Variants in STAM2 observed in about 807,000 individuals in gnomAD.
STAM2 encodes signal transducing adapter molecule 2.
A neutral mutation model predicts 65.6 loss-of-function variants in STAM2; 51 were observed. That is an observed-to-expected ratio of 0.78 (90% CI 0.62 to 0.98). The LOEUF is 0.98. Ranked by LOEUF, STAM2 falls within the 50% of genes least tolerant of loss-of-function variation. The pLI is 0.00. For synonymous variants in STAM2, 198 were observed against 208.4 expected (o/e 0.95, Z 0.43); for missense variants, 584 against 617.8 (o/e 0.95, Z 0.58).
intron 11 of STAM2, among the ~76,000 whole-genome samples, chr2:152,129,844 G>A (rs1689026554): frequency 6.6e-6 from 1 of 152,082 alleles, no homozygotes; most frequent in African/African-American, 2.4e-5. Flanking sequence ...TCTAAAATAT[G>A]GCAAAACTAC....
At chr2:152,132,243 T>C in intron 10 of STAM2, 75 bp from the exon 11 acceptor site, 1 of 1,053,984 alleles carries the variant, frequency 9.5e-7, no homozygotes, top group Non-Finnish European at 1.5e-6. Flanking sequence ...TTTAACAATA[T>C]AGCACCAATA....
At chr2:152,150,712 G>T (rs1292348088) in intron 1 of STAM2, among the ~76,000 whole-genome samples, 1 of 152,180 alleles carries the variant, frequency 6.6e-6, no homozygotes, top group Non-Finnish European at 1.5e-5. Flanking sequence ...AGGCTGAAAT[G>T]GGAGGATTGC....
chr2:152,147,157 C>T lies in STAM2; in HGVS notation c.447+5G>A, dbSNP rs1220977677. 1 of 1,601,220 alleles carries T rather than the reference C, an allele frequency of 6.2e-7. No homozygotes were observed. Among genetic ancestry groups the T allele is most frequent in the Admixed American group, 1.8e-5 (1 of 56,770 alleles). ...GTCAACCATGGGTCTGAATAAATCT[C>T]TCACCTGAGAACCTGCTGGAGGAAA... On this transcript the variant is annotated splice_donor_5th_base_variant and intron_variant, in intron 5 of 13. Transcript: ENST00000263904.
chr2:152,153,027 A>G (rs1242797668), intron 1 of STAM2, among the ~76,000 whole-genome samples: 1 of 152,222 alleles, frequency 6.6e-6, no homozygotes, highest in African/African-American at 2.4e-5. Context: ...ACTGACAAGT[A>G]ATTAACCTGC....
intron 1 of STAM2, among the ~76,000 whole-genome samples, chr2:152,170,939 T>C (rs1383894399): frequency 1.3e-5 from 2 of 151,560 alleles, no homozygotes; most frequent in African/African-American, 4.9e-5. Flanking sequence ...GAGGTTGCAG[T>C]GAGCTGAGAT....
intron 7 of STAM2, among the ~76,000 whole-genome samples, chr2:152,138,321 C>T (rs1277404493): frequency 6.6e-6 from 1 of 151,766 alleles, no homozygotes; most frequent in Non-Finnish European, 1.5e-5. Flanking sequence ...CTTTGTTAGG[C>T]TTATTCATTT....
chr2:152,156,520 G>A (rs1297786784), intron 1 of STAM2, among the ~76,000 whole-genome samples: 1 of 152,098 alleles, frequency 6.6e-6, no homozygotes, highest in African/African-American at 2.4e-5. Context: ...CCCTCCTGGG[G>A]CCTAAATGCT....
At chr2:152,164,764 G>T (rs923716503) in intron 1 of STAM2, among the ~76,000 whole-genome samples, 1 of 152,094 alleles carries the variant, frequency 6.6e-6, no homozygotes, top group Admixed American at 6.6e-5. Flanking sequence ...ACATTTCTGG[G>T]GCGACTAGGA....
At chr2:152,167,294 G>A (rs1026956623) in intron 1 of STAM2, among the ~76,000 whole-genome samples, 5 of 152,184 alleles carry the variant, frequency 3.3e-5, no homozygotes, top group Admixed American at 3.3e-4. Flanking sequence ...GTTCCACAAG[G>A]TGCTATAGGG....
At chr2:152,153,793 T>C (rs185932180) in intron 1 of STAM2, among the ~76,000 whole-genome samples, 4 of 152,140 alleles carry the variant, frequency 2.6e-5, no homozygotes, top group Admixed American at 2.0e-4. Flanking sequence ...TCCATGAATT[T>C]AGAAGTACAG....
intron 11 of STAM2, among the ~76,000 whole-genome samples, chr2:152,130,275 C>T (rs967982899): frequency 3.3e-5 from 5 of 151,746 alleles, no homozygotes; most frequent in Non-Finnish European, 2.9e-5. Context: ...TTTTTGAGAC[C>T]GTGTCTTGCT....
intron 7 of STAM2, among the ~76,000 whole-genome samples, chr2:152,141,447 TC>T (rs1489831088): frequency 6.6e-6 from 1 of 150,558 alleles, no homozygotes; most frequent in East Asian, 2.0e-4. Flanking sequence ...GGCAGGAGAA[TC>T]ACTTGAACAC....
At chr2:152,135,301 T>C (rs1361278485) in intron 8 of STAM2, among the ~76,000 whole-genome samples, 1 of 152,230 alleles carries the variant, frequency 6.6e-6, no homozygotes, top group Admixed American at 6.5e-5. Context: ...TCTCAGAGGA[T>C]GTAAAATAAG....
At chr2:152,147,393 A>G in intron 4 of STAM2, 85 bp from the exon 5 acceptor site, 2 of 1,275,408 alleles carry the variant, frequency 1.6e-6, no homozygotes, top group Non-Finnish European at 2.1e-6. Context: ...AATTACCATC[A>G]AAATTCTCTT....
intron 1 of STAM2, among the ~76,000 whole-genome samples, chr2:152,157,614 T>C (rs1459858838): frequency 2.6e-5 from 4 of 152,220 alleles, no homozygotes; most frequent in Non-Finnish European, 2.9e-5. Context: ...ATCTTGGACT[T>C]GCAGGCCCCA....
chr2:152,120,914 C>A, intron 13 of STAM2, 112 bp from the exon 14 acceptor site: 1 of 711,320 alleles, frequency 1.4e-6, no homozygotes. Context: ...GCTTACGTAG[C>A]TCTGCTGTTC....
chr2:152,130,851 G>A (rs1170745853), intron 11 of STAM2, among the ~76,000 whole-genome samples: 1 of 151,486 alleles, frequency 6.6e-6, no homozygotes, highest in African/African-American at 2.4e-5. Flanking sequence ...ACAAAAATTA[G>A]CCGGGCATGG....
intron 13 of STAM2, 98 bp downstream of exon 13, chr2:152,123,668 A>T (rs890561106): frequency 6.8e-6 from 8 of 1,178,290 alleles, no homozygotes; most frequent in African/African-American, 3.1e-5. Flanking sequence ...ATGAATAAAC[A>T]GTTCTGTAAC....
At chr2:152,122,475 G>A (rs1037433808) in intron 13 of STAM2, among the ~76,000 whole-genome samples, 1 of 151,968 alleles carries the variant, frequency 6.6e-6, no homozygotes, top group African/African-American at 2.4e-5. Context: ...CAAATATACT[G>A]CTTGCAATAA....
Sources: gnomAD v4.1 joint callset for allele counts (sites outside exome capture counted in the v4.1 genomes callset) on GRCh38, gnomAD v4.1.1 for gene constraint, MANE v1.5 for transcripts, NCBI Gene and HGNC (gene_info 2026-07-23, HGNC 2026-07-21) for gene names.